HPSE2: variants seen among roughly 807,000 people sequenced by gnomAD.
HPSE2 encodes the protein inactive heparanase-2.
Under a neutral mutation model 60.5 loss-of-function variants are expected in HPSE2, and 38 were observed. The ratio of observed to expected loss-of-function variants is 0.63; its 90% CI spans 0.48 to 0.82. The LOEUF is 0.82. Ranked by LOEUF, HPSE2 falls within the 40% of genes least tolerant of loss-of-function variation. The probability of loss-of-function intolerance (pLI) is 0.00; values close to 1 mark genes in which losing one functional copy is unlikely to be tolerated. For synonymous variants in HPSE2, 295 were observed against 293.2 expected (o/e 1.01, Z -0.06); for missense variants, 713 against 740.4 (o/e 0.96, Z 0.43).
the HPSE2 span, among the ~76,000 whole-genome samples, chr10:99,261,355 C>T: frequency 3.7e-4 from 57 of 152,258 alleles, no homozygotes; most frequent in East Asian, 1.4e-3. Flanking sequence ...ACACCCGGTC[C>T]GGCTTACAGT....
chr10:98,728,291 A>G (rs1949140554), intron 4 of HPSE2, among the ~76,000 whole-genome samples: 1 of 152,206 alleles, frequency 6.6e-6, no homozygotes, highest in Non-Finnish European at 1.5e-5. Flanking sequence ...GGACTGGGGA[A>G]TGAAACTGTA....
chr10:98,934,254 A>T (rs1012747620), intron 3 of HPSE2, among the ~76,000 whole-genome samples: 1 of 144,010 alleles, frequency 6.9e-6, no homozygotes, highest in Non-Finnish European at 1.5e-5. Flanking sequence ...TCTTTTAATC[A>T]GGGCATTTTG....
chr10:98,797,188 CCAGA>C (rs1375143784), intron 3 of HPSE2, among the ~76,000 whole-genome samples: 1 of 152,070 alleles, frequency 6.6e-6, no homozygotes, highest in African/African-American at 2.4e-5. Flanking sequence ...ATATGACCTT[CCAGA>C]CAGAGTATTC....
chr10:99,143,305 G>T (rs1430530067), intron 3 of HPSE2, among the ~76,000 whole-genome samples: 2 of 151,936 alleles, frequency 1.3e-5, no homozygotes, highest in African/African-American at 4.8e-5. Context: ...AAAACAATTT[G>T]GTTGCCACTC....
intron 6 of HPSE2, among the ~76,000 whole-genome samples, chr10:98,666,985 T>G (rs896288806): frequency 1.8e-4 from 28 of 151,614 alleles, no homozygotes; most frequent in Admixed American, 7.9e-4. Context: ...AACCAAGAGT[T>G]GGTTCTTCAA....
intron 3 of HPSE2, among the ~76,000 whole-genome samples, chr10:99,028,213 T>G (rs2135443517): frequency 6.6e-6 from 1 of 152,326 alleles, no homozygotes. Flanking sequence ...GTTATATTTG[T>G]TTGCAGAGGA....
the HPSE2 span, among the ~76,000 whole-genome samples, chr10:99,280,556 T>A: frequency 6.6e-6 from 1 of 152,176 alleles, no homozygotes; most frequent in Non-Finnish European, 1.5e-5. Context: ...AATTTCCCCT[T>A]CCCTTTCCTA....
intron 4 of HPSE2, among the ~76,000 whole-genome samples, chr10:98,731,899 G>C (rs186557912): frequency 1.3e-5 from 2 of 152,026 alleles, no homozygotes; most frequent in Non-Finnish European, 2.9e-5. Context: ...CACACAGGAG[G>C]GGAAAAAATA....
the HPSE2 span, among the ~76,000 whole-genome samples, chr10:99,245,764 A>G: frequency 6.6e-6 from 1 of 152,244 alleles, no homozygotes; most frequent in Non-Finnish European, 1.5e-5. Flanking sequence ...AGAGCCAGTA[A>G]TCCCACTGCT....
chr10:98,585,276 C>CTT lies in HPSE2; in HGVS notation c.1320+29626_1320+29627dup, dbSNP rs35472307. ...TTTAAAAGTTGTTTTAAAGTAGTGT[C>CTT]TTTTTTTTTTTTTGAGATGGAATCT... On this transcript the variant is annotated intron_variant, in intron 9 of 11. Transcript: ENST00000370552. 8.5e-3 allele frequency among the ~76,000 whole-genome samples: 1,229 copies of CTT among 144,140 alleles called. 17 individuals are homozygous for CTT. Among genetic ancestry groups the CTT allele is most frequent in the African/African-American group, 0.026 (1,003 of 39,214 alleles). 94.6% of individuals were successfully genotyped at this position (144,140 alleles called of 152,430 possible).
intron 3 of HPSE2, among the ~76,000 whole-genome samples, chr10:98,756,351 T>A (rs1008160972): frequency 6.6e-6 from 1 of 151,994 alleles, no homozygotes; most frequent in Admixed American, 6.6e-5. Context: ...AATTGAGATG[T>A]GAAAAACCAT....
chr10:98,906,802 G>T (rs941742987), intron 3 of HPSE2, among the ~76,000 whole-genome samples: 4 of 151,950 alleles, frequency 2.6e-5, no homozygotes, highest in Non-Finnish European at 5.9e-5. Flanking sequence ...TACTTGGGAG[G>T]CTGAGGCAGG....
At chr10:98,562,582 G>T (rs910565232) in intron 9 of HPSE2, among the ~76,000 whole-genome samples, 3 of 152,074 alleles carry the variant, frequency 2.0e-5, no homozygotes, top group African/African-American at 4.8e-5. Flanking sequence ...GGGCGTGGTG[G>T]TGGGCGCCTG....
chr10:98,545,407 A>G (rs1306265494), intron 9 of HPSE2, among the ~76,000 whole-genome samples: 1 of 152,212 alleles, frequency 6.6e-6, no homozygotes, highest in Non-Finnish European at 1.5e-5. Context: ...AATCCTCAAT[A>G]AAATACTGGC....
chr10:99,043,573 G>A (rs1404369671), intron 3 of HPSE2, among the ~76,000 whole-genome samples: 1 of 152,154 alleles, frequency 6.6e-6, no homozygotes, highest in South Asian at 2.1e-4. Context: ...GGATGGCAAG[G>A]AAGCTCATCA....
At chr10:98,917,105 T>C (rs1449232194) in intron 3 of HPSE2, among the ~76,000 whole-genome samples, 1 of 152,148 alleles carries the variant, frequency 6.6e-6, no homozygotes, top group African/African-American at 2.4e-5. Flanking sequence ...TGGGGGTGTA[T>C]GAAAGGAATC....
intron 3 of HPSE2, among the ~76,000 whole-genome samples, chr10:98,958,165 TTTTC>T (rs1342137146): frequency 1.3e-5 from 2 of 152,076 alleles, no homozygotes; most frequent in African/African-American, 2.4e-5. Context: ...TCTCAGAGGG[TTTTC>T]TTTGTCTATG....
At chr10:98,914,793 T>G (rs758894113) in intron 3 of HPSE2, among the ~76,000 whole-genome samples, 7 of 151,836 alleles carry the variant, frequency 4.6e-5, no homozygotes, top group Non-Finnish European at 7.4e-5. Flanking sequence ...TTAAGATACC[T>G]GTCCTCTAAT....
chr10:99,154,553 G>A (rs1446030850), intron 2 of HPSE2, among the ~76,000 whole-genome samples: 1 of 150,574 alleles, frequency 6.6e-6, no homozygotes, highest in Non-Finnish European at 1.5e-5. Context: ...AGCAAATGCT[G>A]AGAGATTTTG....
Sources: allele counts gnomAD v4.1 joint callset (sites outside exome capture counted in the v4.1 genomes callset), GRCh38; gene constraint gnomAD v4.1.1; transcripts MANE v1.5; gene names NCBI Gene and HGNC (gene_info 2026-07-23, HGNC 2026-07-21).